Variants in TXK observed in about 807,000 individuals in gnomAD.
TXK encodes tyrosine-protein kinase TXK.
TXK carries 60 observed loss-of-function variants against 81.0 expected under a neutral mutation model. The observed-to-expected ratio is 0.74, with a 90% CI of 0.60 to 0.92. The LOEUF (loss-of-function observed/expected upper bound fraction) is 0.92, where lower values mean the gene tolerates loss of function less well. TXK is among the 40% of genes least tolerant of loss of function. The probability of loss-of-function intolerance (pLI) is 0.00; values close to 1 mark genes in which losing one functional copy is unlikely to be tolerated. For missense variants in TXK, 581 were observed against 638.3 expected, an observed-to-expected ratio of 0.91 and a Z score of 0.97; for synonymous variants, 203 against 210.7, an observed-to-expected ratio of 0.96 and a Z score of 0.32.
rs1473241135 is a variant in TXK at position 48,067,410 on chromosome 4, T to A, written c.*227A>T. The A allele has an allele frequency of 2.1e-6, 1 of 482,856 alleles. No homozygotes were observed. The allele number at this position is 482,856 out of a possible 1,614,324, so 29.9% of individuals were successfully genotyped here. A position where few individuals can be genotyped will look rare whatever the true frequency, so the allele number is the denominator to read the frequency against. On this transcript the variant is annotated 3_prime_UTR_variant, in exon 15 of 15. Coordinates refer to ENST00000264316, the MANE Select transcript of TXK (RefSeq NM_003328.3). ...TTCTTCACATTTGGGATGTGAAATA[T>A]TTTACAGAAAAATAAGAGTGTGCAA... is the stretch of plus-strand genomic sequence containing the variant.
At chr4:48,131,605 CAAATT>C (rs1264998261) in intron 1 of TXK, among the ~76,000 whole-genome samples, 1 of 152,154 alleles carries the variant, frequency 6.6e-6, no homozygotes. Flanking sequence ...ACCATCAAAT[CAAATT>C]AACAGAAGCT....
chr4:48,131,599 T>A (rs758855230), intron 1 of TXK, among the ~76,000 whole-genome samples: 7 of 152,124 alleles, frequency 4.6e-5, no homozygotes, highest in Admixed American at 2.6e-4. Context: ...ATTCTTACCA[T>A]CAAATCAAAT....
At chr4:48,083,491 G>C (rs2109414803) in intron 10 of TXK, among the ~76,000 whole-genome samples, 1 of 152,308 alleles carries the variant, frequency 6.6e-6, no homozygotes, top group South Asian at 2.1e-4. Flanking sequence ...GACCTCCTGA[G>C]GCTGTCATGG....
chr4:48,071,404 A>G, intron 14 of TXK, 113 bp downstream of exon 14: 1 of 1,056,476 alleles, frequency 9.5e-7, no homozygotes, highest in Admixed American at 2.3e-5. Flanking sequence ...CATGACCAAG[A>G]CACAGATGCC....
chr4:48,117,845 C>A (rs1311486580), intron 1 of TXK, among the ~76,000 whole-genome samples: 2 of 152,160 alleles, frequency 1.3e-5, no homozygotes, highest in African/African-American at 4.8e-5. Context: ...CTTTAAAAGG[C>A]CATTCTTCTG....
intron 8 of TXK, among the ~76,000 whole-genome samples, chr4:48,091,630 C>G (rs1385528194): frequency 6.6e-6 from 1 of 151,950 alleles, no homozygotes; most frequent in African/African-American, 2.4e-5. Flanking sequence ...CTCAGCCTCT[C>G]GAGTAGGTGA....
chr4:48,100,688 G>A (rs888902710), intron 6 of TXK, among the ~76,000 whole-genome samples: 1 of 152,130 alleles, frequency 6.6e-6, no homozygotes, highest in South Asian at 2.1e-4. Context: ...GCACCTTTGA[G>A]GATTTATCCT....
intron 13 of TXK, among the ~76,000 whole-genome samples, chr4:48,072,332 G>A (rs947170187): frequency 4.6e-5 from 7 of 152,148 alleles, no homozygotes; most frequent in African/African-American, 1.7e-4. Flanking sequence ...CAGCAGTCAC[G>A]TTCCTGCATC....
chr4:48,070,139 C>T (rs1361622943), intron 14 of TXK, among the ~76,000 whole-genome samples: 1 of 140,114 alleles, frequency 7.1e-6, no homozygotes, highest in East Asian at 2.0e-4. Flanking sequence ...CAGGAGGAAA[C>T]TTCTCATCAA....
At chr4:48,105,491 T>C (rs932396722) in intron 5 of TXK, among the ~76,000 whole-genome samples, 11 of 152,220 alleles carry the variant, frequency 7.2e-5, no homozygotes, top group African/African-American at 2.6e-4. Flanking sequence ...CACATAGCCA[T>C]AGAGATGGAA....
At chr4:48,071,993 G>A (rs1233604343) in intron 13 of TXK, among the ~76,000 whole-genome samples, 1 of 142,634 alleles carries the variant, frequency 7.0e-6, no homozygotes, top group South Asian at 2.2e-4. Context: ...TCGCTCTGTC[G>A]CCCGGGCTGG....
chr4:48,116,717 C>T (rs984625116), intron 1 of TXK, among the ~76,000 whole-genome samples: 2 of 152,194 alleles, frequency 1.3e-5, no homozygotes, highest in African/African-American at 4.8e-5. Context: ...CACTGTCCTC[C>T]CTCCCTCCTT....
intron 1 of TXK, among the ~76,000 whole-genome samples, chr4:48,123,837 T>C (rs1001920133): frequency 6.6e-6 from 1 of 152,166 alleles, no homozygotes; most frequent in African/African-American, 2.4e-5. Context: ...TCCCCCACTT[T>C]CAAGGTCTTC....
intron 1 of TXK, among the ~76,000 whole-genome samples, chr4:48,122,040 C>T (rs13133062): frequency 0.29 from 44,082 of 152,054 alleles, 7,528 homozygotes; most frequent in Admixed American, 0.4. Flanking sequence ...ATCACCTCAC[C>T]TGGCTCACAC....
chr4:48,104,126 C>A (rs561140950), intron 6 of TXK, among the ~76,000 whole-genome samples: 1 of 142,094 alleles, frequency 7.0e-6, no homozygotes, highest in African/African-American at 2.6e-5. Context: ...AGCTTTAAGC[C>A]CAGGAGGTCA....
chr4:48,079,301 G>A lies in TXK; in HGVS notation c.1173+611C>T, dbSNP rs143608428. Among the ~76,000 whole-genome samples the A allele has an allele frequency of 7.4e-3, 1,127 of 152,276 alleles. 16 individuals are homozygous for A. The highest frequency in any genetic ancestry group is 0.025 in the African/African-American group (1,043 of 41,546). The stretch of plus-strand genomic sequence containing the variant: ...CACAAGATTAGAAATTATGGTTTAG[G>A]AGTCAGACAGCTGGAGGCTACAAGA... On this transcript the variant is annotated intron_variant, in intron 11 of 14. Coordinates refer to ENST00000264316, the MANE Select transcript of TXK (RefSeq NM_003328.3).
At chr4:48,088,306 T>G (rs1717618456) in intron 9 of TXK, among the ~76,000 whole-genome samples, 1 of 152,226 alleles carries the variant, frequency 6.6e-6, no homozygotes. Flanking sequence ...GGTGTACACT[T>G]AAGCACATAT....
intron 11 of TXK, 124 bp downstream of exon 11, chr4:48,079,788 T>C (rs868443539): frequency 8.5e-5 from 65 of 766,510 alleles, no homozygotes; most frequent in Non-Finnish European, 1.1e-4. Flanking sequence ...ACAAATTGCA[T>C]GAATAGGTAA....
chr4:48,080,982 C>T (rs1717278334), intron 10 of TXK, among the ~76,000 whole-genome samples: 1 of 151,870 alleles, frequency 6.6e-6, no homozygotes, highest in African/African-American at 2.4e-5. Flanking sequence ...AGACTGTGTA[C>T]CTTAACACAA....
Sources: allele counts gnomAD v4.1 joint callset (sites outside exome capture counted in the v4.1 genomes callset), GRCh38; gene constraint gnomAD v4.1.1; transcripts MANE v1.5; gene names NCBI Gene and HGNC (gene_info 2026-07-23, HGNC 2026-07-21).